KPNA3: variants seen among roughly 807,000 people sequenced by gnomAD.
The protein encoded by KPNA3 is karyopherin subunit alpha 3.
In KPNA3, 13 loss-of-function variants were observed where a neutral mutation model predicts 73.8. That is an observed-to-expected ratio of 0.18 (90% CI 0.11 to 0.28). The LOEUF (loss-of-function observed/expected upper bound fraction) is 0.28. Ranked by LOEUF, KPNA3 falls within the 10% of genes least tolerant of loss-of-function variation. KPNA3 has a pLI of 1.00. For synonymous variants in KPNA3, 186 were observed against 206.9 expected (o/e 0.90, Z 0.87); for missense variants, 360 against 618.1 (o/e 0.58, Z 4.43).
chr13:49,725,543 C>T, intron 6 of KPNA3, 42 bp from the exon 7 acceptor site: 1 of 1,190,278 alleles, frequency 8.4e-7, no homozygotes, highest in Non-Finnish European at 1.2e-6. Context: ...CACATAACTA[C>T]CACTTAAATT....
chr13:49,722,602 G>T (rs890219147), intron 7 of KPNA3, 39 bp from the exon 8 acceptor site: 1 of 1,269,968 alleles, frequency 7.9e-7, no homozygotes, highest in Non-Finnish European at 1.1e-6. Flanking sequence ...CTAGCAACAT[G>T]TTGAAGAGTT....
chr13:49,748,319 CCTT>C (rs72028170), intron 1 of KPNA3, among the ~76,000 whole-genome samples: 4,165 of 151,914 alleles, frequency 0.027, 191 homozygotes, highest in African/African-American at 0.095. Flanking sequence ...GGTAAGGTAT[CCTT>C]CTGAGTTTAA....
chr13:49,768,511 A>G (rs1378691996), intron 1 of KPNA3, among the ~76,000 whole-genome samples: 1 of 141,274 alleles, frequency 7.1e-6, no homozygotes, highest in East Asian at 2.1e-4. Flanking sequence ...GTTTTTGATC[A>G]TCTCGTTTGT....
At chr13:49,772,886 A>C (rs988733036) in intron 1 of KPNA3, among the ~76,000 whole-genome samples, 37 of 152,212 alleles carry the variant, frequency 2.4e-4, no homozygotes, top group African/African-American at 8.4e-4. Context: ...AGAAACACAT[A>C]GACTTGTACT....
intron 2 of KPNA3, among the ~76,000 whole-genome samples, chr13:49,737,452 C>A (rs551345142): frequency 6.6e-6 from 1 of 152,260 alleles, no homozygotes; most frequent in East Asian, 1.9e-4. Flanking sequence ...TGCTGAACAT[C>A]TTTTCATGTG....
Position 49,737,561 on chromosome 13 carries a change from C to CTGTG in KPNA3, c.115-4519_115-4516dup, listed in dbSNP as rs3990330. On this transcript the variant is annotated intron_variant, in intron 2 of 16. Transcript: ENST00000261667. ...TTTTCTTACTATTAAGTGTGTGTGT[C>CTGTG]TGTGTGTGTGTGTGTGTGTGTGTGT... is the stretch of plus-strand genomic sequence containing the variant. Among the ~76,000 whole-genome samples the CTGTG allele has an allele frequency of 2.3e-3, 323 of 143,022 alleles. 1 individual carries two copies. Among genetic ancestry groups the CTGTG allele is most frequent in the Admixed American group, 4.3e-3 (62 of 14,306 alleles). The allele number at this position is 143,022 out of a possible 152,430, so 93.8% of individuals were successfully genotyped here.
At chr13:49,749,461 C>T (rs141282031) in intron 1 of KPNA3, among the ~76,000 whole-genome samples, 95 of 152,212 alleles carry the variant, frequency 6.2e-4, no homozygotes, top group African/African-American at 1.7e-3. Context: ...TCTAAGAATC[C>T]GGCAGGCCCT....
At chr13:49,761,927 C>T (rs1954766437) in intron 1 of KPNA3, among the ~76,000 whole-genome samples, 1 of 151,760 alleles carries the variant, frequency 6.6e-6, no homozygotes, top group Non-Finnish European at 1.5e-5. Flanking sequence ...TCTGCCCAGC[C>T]ACCCCGTCTG....
chr13:49,713,459 C>A (rs936300716), intron 10 of KPNA3, among the ~76,000 whole-genome samples: 39 of 152,050 alleles, frequency 2.6e-4, no homozygotes, highest in African/African-American at 9.4e-4. Flanking sequence ...GCAACTACAA[C>A]TTGCACATGT....
rs564628117 is a variant in KPNA3, at chr13:49,772,732, G to T, written c.69+19706C>A. Among the ~76,000 whole-genome samples the T allele has an allele frequency of 4.6e-5, 7 of 152,282 alleles. No individual in the cohort carries two copies. In the East Asian group the frequency reaches 1.3e-3, roughly 29 times the overall value. The stretch of plus-strand genomic sequence containing the variant: ...GCAGGAGAATTGCTTGAACCCAAGA[G>T]GCAGAGGCTGCAATGAGCTGAGATC... On this transcript the variant is annotated intron_variant, in intron 1 of 16. Coordinates refer to ENST00000261667, the MANE Select transcript of KPNA3 (RefSeq NM_002267.4).
chr13:49,729,770 A>T (rs548636443), intron 6 of KPNA3, among the ~76,000 whole-genome samples: 2 of 152,320 alleles, frequency 1.3e-5, no homozygotes, highest in East Asian at 3.9e-4. Context: ...ACAGAGCGAG[A>T]CTCGGTCTCA....
chr13:49,790,972 G>A (rs1955027994), intron 1 of KPNA3, among the ~76,000 whole-genome samples: 1 of 152,152 alleles, frequency 6.6e-6, no homozygotes, highest in Admixed American at 6.5e-5. Flanking sequence ...ATAACAGGAG[G>A]CAGTTCCAAA....
chr13:49,786,813 G>A (rs1482454742), intron 1 of KPNA3, among the ~76,000 whole-genome samples: 1 of 152,124 alleles, frequency 6.6e-6, no homozygotes, highest in Non-Finnish European at 1.5e-5. Flanking sequence ...GAAGTCAATG[G>A]GAAGGATCAT....
chr13:49,743,218 T>C (rs1238763578), intron 2 of KPNA3, among the ~76,000 whole-genome samples: 1 of 152,176 alleles, frequency 6.6e-6, no homozygotes, highest in African/African-American at 2.4e-5. Flanking sequence ...CTAGCTCTCT[T>C]TTGTTTTCAA....
chr13:49,751,249 A>C (rs1165489362), intron 1 of KPNA3, among the ~76,000 whole-genome samples: 1 of 152,138 alleles, frequency 6.6e-6, no homozygotes, highest in Non-Finnish European at 1.5e-5. Flanking sequence ...AATGTTAGGA[A>C]ACTGTACAAC....
chr13:49,730,519 CAAAAAAAAAAAAAAAAAAAAAAAAAAA>C (rs55725741), intron 6 of KPNA3, among the ~76,000 whole-genome samples: 1 of 27,280 alleles, frequency 3.7e-5, no homozygotes, highest in Non-Finnish European at 6.3e-5. Flanking sequence ...GACTCTGTCT[CAAAAAAAAAAAAAAAAAAAAAAAAAAA>C]AAAAAAAAAG....
chr13:49,709,671 T>G lies in KPNA3; in HGVS notation c.933A>C (p.Ile311=). ...QTAALRAVGN[I]VTGTDEQTQV... is the part of the protein sequence containing the mutation. ...GGGTCTGCTCGTCGGTGCCAGTCAC[T>G]ATGTTGCCAACTGCTCTGAGGGCTG... is the stretch of plus-strand genomic sequence containing the variant. The change falls in exon 12 of 17, where the codon ATA becomes ATC. Residue 311 remains isoleucine, a synonymous_variant. Transcript: ENST00000261667. 1 of 1,614,044 alleles carries G rather than the reference T, an allele frequency of 6.2e-7. No homozygotes were observed. Among genetic ancestry groups the G allele is most frequent in the Non-Finnish European group, 8.5e-7 (1 of 1,179,974 alleles).
At chr13:49,723,446 T>C (rs1954378755) in intron 7 of KPNA3, among the ~76,000 whole-genome samples, 1 of 151,844 alleles carries the variant, frequency 6.6e-6, no homozygotes, top group Non-Finnish European at 1.5e-5. Flanking sequence ...GGTGGGCGCC[T>C]GTAATCCCAG....
intron 1 of KPNA3, among the ~76,000 whole-genome samples, chr13:49,783,397 T>C (rs1362724402): frequency 1.3e-5 from 2 of 152,176 alleles, no homozygotes; most frequent in Admixed American, 1.3e-4. Flanking sequence ...TTAATATTCC[T>C]TCACCTCCAC....
Sources: gnomAD v4.1 joint callset for allele counts (sites outside exome capture counted in the v4.1 genomes callset) on GRCh38, gnomAD v4.1.1 for gene constraint, MANE v1.5 for transcripts, NCBI Gene and HGNC (gene_info 2026-07-23, HGNC 2026-07-21) for gene names.